ADCY10: variants seen among roughly 807,000 people sequenced by gnomAD.
ADCY10 encodes adenylate cyclase type 10.
ADCY10 carries 156 observed loss-of-function variants against 183.3 expected under a neutral mutation model. The observed-to-expected ratio is 0.85, with a 90% CI of 0.75 to 0.97. The LOEUF (loss-of-function observed/expected upper bound fraction) is 0.97. Ranked by LOEUF, ADCY10 falls within the 50% of genes least tolerant of loss-of-function variation. The probability of loss-of-function intolerance (pLI) is 0.00; values close to 1 mark genes in which losing one functional copy is unlikely to be tolerated. For missense variants in ADCY10, 1,745 were observed against 1,934.3 expected (o/e 0.90, Z 1.84); for synonymous variants, 645 against 670.0 (o/e 0.96, Z 0.58).
At chr1:167,896,795 G>C (rs1198946480) in intron 6 of ADCY10, 104 bp from the exon 7 acceptor site, 26 of 795,506 alleles carry the variant, frequency 3.3e-5, no homozygotes, top group Non-Finnish European at 4.4e-6. Context: ...ACTGAACAGT[G>C]ATTGGCACAC....
chr1:167,891,655 C>CAAAA (rs774084079), intron 8 of ADCY10, among the ~76,000 whole-genome samples: 2 of 107,702 alleles, frequency 1.9e-5, no homozygotes, highest in Admixed American at 9.7e-5. Context: ...GACTCTGTCT[C>CAAAA]AAAAAAAAAA....
chr1:167,836,251 G>C (rs1324264050), intron 23 of ADCY10, 58 bp downstream of exon 23: 2 of 1,176,992 alleles, frequency 1.7e-6, no homozygotes, highest in African/African-American at 3.0e-5. Flanking sequence ...CTTCCTTCTG[G>C]CTCTATGTTC....
intron 18 of ADCY10, among the ~76,000 whole-genome samples, chr1:167,854,091 G>A (rs542606058): frequency 2.6e-5 from 4 of 152,092 alleles, no homozygotes; most frequent in Middle Eastern, 3.4e-3. Context: ...TGCCTGCCTC[G>A]GGCTCCGAAA....
chr1:167,863,482 C>T (rs898561332), intron 14 of ADCY10, among the ~76,000 whole-genome samples: 1 of 152,010 alleles, frequency 6.6e-6, no homozygotes, highest in South Asian at 2.1e-4. Context: ...GATTTTGAGA[C>T]GCTAGCCTGC....
intron 11 of ADCY10, among the ~76,000 whole-genome samples, chr1:167,879,630 T>G (rs1667736807): frequency 6.6e-6 from 1 of 152,196 alleles, no homozygotes. Flanking sequence ...ATTTTACATA[T>G]ATTCAGTATT....
intron 8 of ADCY10, among the ~76,000 whole-genome samples, chr1:167,891,966 TTTTTC>T (rs1668626631): frequency 6.6e-6 from 1 of 151,038 alleles, no homozygotes; most frequent in Non-Finnish European, 1.5e-5. Flanking sequence ...TGTGCTAATT[TTTTTC>T]TTTTCTTTTT....
At chr1:167,860,059 A>G (rs572375776) in intron 15 of ADCY10, among the ~76,000 whole-genome samples, 166 bp from the exon 16 acceptor site, 48 of 152,312 alleles carry the variant, frequency 3.2e-4, no homozygotes, top group Admixed American at 2.4e-3. Context: ...TGTGGAAAAC[A>G]ATTTTTTCAT....
At chr1:167,813,478 G>A (rs1662342723) in intron 31 of ADCY10, among the ~76,000 whole-genome samples, 1 of 151,712 alleles carries the variant, frequency 6.6e-6, no homozygotes, top group Non-Finnish European at 1.5e-5. Context: ...TTACCACCAG[G>A]ACTTTCTTCC....
intron 31 of ADCY10, among the ~76,000 whole-genome samples, chr1:167,817,725 G>C (rs550004933): frequency 3.3e-5 from 5 of 152,128 alleles, no homozygotes; most frequent in Admixed American, 1.3e-4. Flanking sequence ...TCATATATCT[G>C]TAAGATAAAG....
At chr1:167,899,386 T>C (rs757243397) in intron 6 of ADCY10, 37 bp downstream of exon 6, 1 of 1,605,610 alleles carries the variant, frequency 6.2e-7, no homozygotes, top group Non-Finnish European at 8.5e-7. Flanking sequence ...TGTTACAGGC[T>C]GGCAGAACTT....
Position 167,810,910 on chromosome 1 carries a change from A to G in ADCY10, c.4486T>C (p.Leu1496=). ...GTATTTTGAGCCACCAGATTCTCCA[A>G]GTTCTAAAGAAAAAAAACCCACAAC... The part of the protein sequence containing the change: ...QASGEELLKN[L]ENLVAQNTTG... The change falls in exon 32 of 33, where the codon TTG becomes CTG. Residue 1496 remains leucine (L), a synonymous_variant. Transcript: ENST00000367851. 6.2e-7 allele frequency: 1 copy of G among 1,614,128 alleles called. No homozygotes were observed. The highest frequency in any genetic ancestry group is 1.3e-5 in the African/African-American group (1 of 75,044).
intron 26 of ADCY10, among the ~76,000 whole-genome samples, chr1:167,827,351 T>TTG (rs55806969): frequency 9.4e-5 from 14 of 148,978 alleles, no homozygotes; most frequent in Non-Finnish European, 1.6e-4. Context: ...TTTTTTTTTT[T>TTG]GTATTTTCAG....
intron 31 of ADCY10, among the ~76,000 whole-genome samples, chr1:167,816,454 G>A (rs911238127): frequency 2.6e-5 from 4 of 152,124 alleles, no homozygotes; most frequent in Admixed American, 2.0e-4. Flanking sequence ...TCTGTGGCAG[G>A]AGAATTGCTT....
At chr1:167,847,972 A>AT (rs1236237759) in intron 19 of ADCY10, among the ~76,000 whole-genome samples, 1 of 152,204 alleles carries the variant, frequency 6.6e-6, no homozygotes, top group Non-Finnish European at 1.5e-5. Context: ...ACAAACAACC[A>AT]ATGTTGCTGT....
At position 167,904,236 on chromosome 1, in the gene ADCY10, C is replaced by T. The variant is rs150597113; in HGVS notation, c.149-245G>A. Among the ~76,000 whole-genome samples, 236 of 152,056 alleles carry T rather than the reference C, an allele frequency of 1.6e-3. 1 individual carries two copies. Among genetic ancestry groups the T allele is most frequent in the Admixed American group, 5.2e-3 (79 of 15,268 alleles). ...CCGAGCAGCTGGGACTATAAGCGTG[C>T]GCCACCATGCCAGGCTCGTTTTTGT... is the stretch of plus-strand genomic sequence containing the variant. On this transcript the variant is annotated intron_variant, in intron 2 of 32. Transcript: ENST00000367851.
rs761131070 is a variant in ADCY10 at position 167,870,274 on chromosome 1, G to A, written c.1599C>T (p.Ala533=). The stretch of plus-strand genomic sequence containing the variant: ...ACACTCACCTGTGATTCTTACCTTG[G>A]GCCAGGTACTCAATTTTCATAAGTA... The part of the protein sequence containing the change: ...SQILMKIEYL[A]QGKNHRIIAI... Residue 533 remains alanine, a synonymous_variant, in exon 14 of 33, where the codon GCC becomes GCT. Coordinates refer to ENST00000367851, the MANE Select transcript of ADCY10 (RefSeq NM_018417.6). 5.0e-6 allele frequency: 8 copies of A among 1,613,736 alleles called. No homozygotes were observed. In the South Asian group the frequency reaches 6.6e-5, roughly 13 times the overall value.
intron 21 of ADCY10, among the ~76,000 whole-genome samples, chr1:167,838,747 C>G (rs144577625): frequency 1.3e-3 from 196 of 152,238 alleles, no homozygotes; most frequent in African/African-American, 4.0e-3. Context: ...CAAATACCAC[C>G]TTGGCAACTG....
chr1:167,845,885 G>T, intron 20 of ADCY10, 32 bp from the exon 21 acceptor site: 1 of 1,614,046 alleles, frequency 6.2e-7, no homozygotes. Flanking sequence ...TTTCAGCCAG[G>T]CAGTGGGCAA....
chr1:167,827,334 A>ATTT (rs35177857), intron 26 of ADCY10, among the ~76,000 whole-genome samples: 1,518 of 132,842 alleles, frequency 0.011, 32 homozygotes, highest in African/African-American at 0.026. Flanking sequence ...CGCCCGGCTA[A>ATTT]TTTTTTTTTT....
Sources: allele counts gnomAD v4.1 joint callset (sites outside exome capture counted in the v4.1 genomes callset), GRCh38; gene constraint gnomAD v4.1.1; transcripts MANE v1.5; gene names NCBI Gene and HGNC (gene_info 2026-07-23, HGNC 2026-07-21).